Variants in ANO8 observed in about 807,000 individuals in gnomAD.
ANO8 encodes anoctamin 8.
ANO8 carries 67 observed loss-of-function variants against 120.4 expected under a neutral mutation model. That is an observed-to-expected ratio of 0.56 (90% CI 0.46 to 0.68). ANO8 has a LOEUF of 0.68. Among genes scored for constraint, ANO8 ranks in the 30% least tolerant of loss-of-function variants. The pLI is 0.00. For missense variants in ANO8, 1,526 were observed against 1,737.6 expected (o/e 0.88, Z 2.16); for synonymous variants, 727 against 759.2 (o/e 0.96, Z 0.70).
At position 17,323,395 on chromosome 19, in the gene ANO8, T is replaced by G; in HGVS notation, c.*122A>C. 1.7e-5 allele frequency: 16 copies of G among 947,490 alleles called. No individual in the cohort carries two copies. Among genetic ancestry groups the G allele is most frequent in the East Asian group, 6.4e-5 (2 of 31,156 alleles). The allele number at this position is 947,490 out of a possible 1,614,324, so 58.7% of individuals were successfully genotyped here. On this transcript the variant is annotated 3_prime_UTR_variant, in exon 18 of 18. Transcript: ENST00000159087. ...TTCGTTTGGAAAGGAAAACGGCAGA[T>G]GGGGGGCACCGACCAATACTGGGGG...
chr19:17,324,614 C>A lies in ANO8; in HGVS notation c.3331+103G>T, dbSNP rs549497082. ...CCAGGTCCCCACCAGGACCTAAGAC[C>A]GGGCTTCCCCTGTCCCCTTCAGCCC... On this transcript the variant is annotated intron_variant, in intron 17 of 17. Transcript: ENST00000159087. The A allele has an allele frequency of 8.8e-6, 13 of 1,485,116 alleles. No individual in the cohort carries two copies. The East Asian group carries it at 3.0e-4, about 35-fold the overall frequency. 92.0% of individuals were successfully genotyped at this position (1,485,116 alleles called of 1,614,324 possible). A position where few individuals can be genotyped will look rare whatever the true frequency, so the allele number is the denominator to read the frequency against.
At position 17,330,028 on chromosome 19, in the gene ANO8, G is replaced by T. The variant is rs372708722; in HGVS notation, c.1274-14C>A. The T allele has an allele frequency of 5.6e-6, 9 of 1,613,790 alleles. No individual in the cohort carries two copies. Among genetic ancestry groups the T allele is most frequent in the Middle Eastern group, 1.6e-4 (1 of 6,082 alleles). On this transcript the variant is annotated splice_polypyrimidine_tract_variant and intron_variant, in intron 10 of 17. Transcript: ENST00000159087. The stretch of plus-strand genomic sequence containing the variant: ...GCCGGTAATTTTCTAGGGGCCAAGG[G>T]GGGGAGTGAGGGGGCAGCCGCGGTC...
At chr19:17,327,213 G>A (rs1391645481) in intron 16 of ANO8, 22 bp downstream of exon 16, 7 of 1,509,638 alleles carry the variant, frequency 4.6e-6, no homozygotes, top group Non-Finnish European at 6.2e-6. Flanking sequence ...TGAGAAAACC[G>A]AGCCCAGCCT....
rs1015634529 is a variant in ANO8, at chr19:17,333,995, T to TC, written c.107-196dup. On this transcript the variant is annotated intron_variant, in intron 1 of 17. Transcript: ENST00000159087. This position sits in a 1 kb window ranked among gnomAD's most constrained non-coding sequence, Gnocchi z 7.2. ...CCAGGCCTTCCTCCAGAAATGCCCT[T>TC]CCCCCCAGATCCTCCCTTACAAATC... is the stretch of plus-strand genomic sequence containing the variant. Among the ~76,000 whole-genome samples the TC allele has an allele frequency of 1.2e-4, 18 of 151,904 alleles. No homozygotes were observed. The highest frequency in any genetic ancestry group is 2.5e-4 in the Non-Finnish European group (17 of 67,968).
At position 17,324,973 on chromosome 19, in the gene ANO8, G is replaced by A. The variant is rs2074263950; in HGVS notation, c.3075C>T (p.Leu1025=). The A allele has an allele frequency of 3.1e-6, 5 of 1,613,304 alleles. No homozygotes were observed. The East Asian group carries it at 1.1e-4, about 36-fold the overall frequency. The change falls in exon 17 of 18, where the codon CTC becomes CTT. Residue 1025 remains leucine (L), a synonymous_variant. Transcript: ENST00000159087. The part of the protein sequence containing the change: ...TGSDTRLPAF[L]SFKFLKSPET... ...CGGGTGACTTGAGGAACTTGAAGCT[G>A]AGGAAGGCAGGCAGGCGGGTGTCGC... is the stretch of plus-strand genomic sequence containing the variant.
At position 17,334,703 on chromosome 19, in the gene ANO8, G is replaced by T; in HGVS notation, c.-33C>A. On this transcript the variant is annotated 5_prime_UTR_variant, in exon 1 of 18. Coordinates refer to ENST00000159087, the MANE Select transcript of ANO8 (RefSeq NM_020959.3). ...ACAGGTCAGGTCAGGGGCTACGGAC[G>T]GCCCGGGCGACGGGGAGCCGCGGGC... is the stretch of plus-strand genomic sequence containing the variant. 1 of 1,346,868 alleles carries T rather than the reference G, an allele frequency of 7.4e-7. No homozygotes were observed. Among genetic ancestry groups the T allele is most frequent in the Non-Finnish European group, 9.5e-7 (1 of 1,052,326 alleles). 83.4% of individuals were successfully genotyped at this position (1,346,868 alleles called of 1,614,324 possible).
Position 17,330,240 on chromosome 19 carries a change from C to T in ANO8, c.1158G>A (p.Leu386=). 1.2e-6 allele frequency: 2 copies of T among 1,614,046 alleles called. No homozygotes were observed. The highest frequency in any genetic ancestry group is 1.7e-6 in the Non-Finnish European group (2 of 1,180,026). Residue 386 remains leucine (L), a synonymous_variant, in exon 10 of 18, where the codon CTG becomes CTA. Coordinates refer to ENST00000159087, the MANE Select transcript of ANO8 (RefSeq NM_020959.3). The stretch of plus-strand genomic sequence containing the variant: ...CGAGACGGGGCAACCCCTTCACGCT[C>T]AGCACCAGCTCCTGCGGGAGAAGGG... ...LGCFQLQELV[L]SVKGLPRLAR...
rs746119038 is a variant in ANO8, at chr19:17,325,268, C to T, written c.2780G>A (p.Arg927Gln). The change falls in exon 17 of 18, where the codon CGA becomes CAA. Residue 927 changes from arginine to glutamine, a missense_variant. By Grantham distance (43) the Arg-to-Gln change is conservative (BLOSUM62 1). Coordinates refer to ENST00000159087, the MANE Select transcript of ANO8 (RefSeq NM_020959.3). ...AGAGCCCTCGGCCCTCGCCTCCTCTCGGCCACCAGAATCATGCTCCCGCCG... is the reference window on the plus strand; with the variant it reads ...AGAGCCCTCGGCCCTCGCCTCCTCTTGGCCACCAGAATCATGCTCCCGCCG... The part of the protein sequence containing the change: ...HARREHDSGG[R>Q]EEARAEGSGL... The T allele has an allele frequency of 4.4e-5, 70 of 1,608,364 alleles. No individual in the cohort carries two copies. The highest frequency in any genetic ancestry group is 7.7e-5 in the South Asian group (7 of 91,062).
chr19:17,330,622 G>T, intron 8 of ANO8, 118 bp from the exon 9 acceptor site: 1 of 1,412,186 alleles, frequency 7.1e-7, no homozygotes, highest in Non-Finnish European at 9.4e-7. Flanking sequence ...GACCCTCTCA[G>T]GTCACCCACC....
In ANO8 at chr19:17,328,523, C is replaced by G. The variant is rs1340544163; in HGVS notation, c.1865G>C (p.Arg622Pro). 1 of 1,551,482 alleles carries G rather than the reference C, an allele frequency of 6.4e-7. No homozygotes were observed. The highest frequency in any genetic ancestry group is 8.7e-7 in the Non-Finnish European group (1 of 1,149,450). ...LRLKKVSFAE[R>P]GAGRRRPGPS... is the part of the protein sequence containing the mutation. ...GCCGGGCCGACGCCGCCCCGCGCCG[C>G]GCTCAGCGAAGCTGACCTTCTTCAG... The change falls in exon 13 of 18, where the codon CGC becomes CCC. Residue 622 changes from arginine (R) to proline (P), a missense_variant. This residue lies in a region of ANO8 where 467 missense variants were observed against 425.8 expected (regional missense o/e 1.10). Transcript: ENST00000159087.
At chr19:17,329,286 T>C in intron 12 of ANO8, 1 of 373,770 alleles carries the variant, frequency 2.7e-6, no homozygotes, top group Non-Finnish European at 4.8e-6. Flanking sequence ...CTGCACCTGC[T>C]TGCTGGCCGC....
chr19:17,330,571 C>T (rs2074310305), intron 8 of ANO8, 67 bp from the exon 9 acceptor site: 1 of 1,454,454 alleles, frequency 6.9e-7, no homozygotes, highest in Admixed American at 2.8e-5. Flanking sequence ...CTGCACCCCT[C>T]CCTATCCTCA....
chr19:17,334,379 G>A (rs965376722), intron 1 of ANO8, among the ~76,000 whole-genome samples, 186 bp downstream of exon 1: 3 of 152,158 alleles, frequency 2.0e-5, no homozygotes, highest in Non-Finnish European at 4.4e-5. Flanking sequence ...TCTCCGCGCC[G>A]GGACCCCAGC....
Position 17,331,231 on chromosome 19 carries a change from T to C in ANO8, c.704-16A>G, listed in dbSNP as rs778150894. On this transcript the variant is annotated splice_polypyrimidine_tract_variant and intron_variant, in intron 6 of 17. Transcript: ENST00000159087. ...CAGATGTCATCTGCCAGGGGACAAG[T>C]GGGTCTCAGTCACCCCCTGCCTGTC... 9 of 1,614,006 alleles carry C rather than the reference T, an allele frequency of 5.6e-6. No individual in the cohort carries two copies. In the Admixed American group the frequency reaches 1.3e-4, roughly 24 times the overall value.
chr19:17,330,314 G>T (rs1273706272), intron 9 of ANO8, 38 bp downstream of exon 9: 3 of 1,612,422 alleles, frequency 1.9e-6, no homozygotes, highest in Non-Finnish European at 2.5e-6. Context: ...GTGGAGCTAG[G>T]TACCAAGGAC....
rs533166892 is a variant in ANO8, at chr19:17,329,950, G to A, written c.1329+9C>T. ...TTGTCCCCCTGCCTGTCCGATGGTG[G>A]TGACTCACCAGGACAACTTTGATGA... On this transcript the variant is annotated intron_variant, in intron 11 of 17. Coordinates refer to ENST00000159087, the MANE Select transcript of ANO8 (RefSeq NM_020959.3). The A allele has an allele frequency of 2.5e-6, 4 of 1,614,062 alleles. No homozygotes were observed. The highest frequency in any genetic ancestry group is 1.7e-5 in the Admixed American group (1 of 60,016).
At chr19:17,334,544 G>T (rs2074347332) in intron 1 of ANO8, 21 bp downstream of exon 1, 1 of 1,533,704 alleles carries the variant, frequency 6.5e-7, no homozygotes, top group East Asian at 2.6e-5. Flanking sequence ...ACCCTGTCTG[G>T]TCCAGCCGCC....
rs1375250997 is a variant in ANO8 at position 17,330,524 on chromosome 19, G to C, written c.994-20C>G. ...CACGCCCTGATGGTGGGCAAAGACC[G>C]GGCCCAGCATGAGCTCAGAGGGGCC... On this transcript the variant is annotated intron_variant, in intron 8 of 17. Coordinates refer to ENST00000159087, the MANE Select transcript of ANO8 (RefSeq NM_020959.3). 2.7e-6 allele frequency: 4 copies of C among 1,492,462 alleles called. No individual in the cohort carries two copies. Among genetic ancestry groups the C allele is most frequent in the Non-Finnish European group, 3.6e-6 (4 of 1,116,338 alleles). 92.5% of individuals were successfully genotyped at this position (1,492,462 alleles called of 1,614,324 possible). A position where few individuals can be genotyped will look rare whatever the true frequency, so the allele number is the denominator to read the frequency against.
chr19:17,329,588 C>T, intron 12 of ANO8, 169 bp downstream of exon 12: 1 of 620,326 alleles, frequency 1.6e-6, no homozygotes, highest in South Asian at 1.9e-5. Context: ...GGGGGGACGA[C>T]AGGCAGAGAG....
Sources: allele counts gnomAD v4.1 joint callset (sites outside exome capture counted in the v4.1 genomes callset), GRCh38; gene constraint gnomAD v4.1.1; regional missense constraint gnomAD v4.1.1; non-coding constraint Gnocchi (gnomAD v3.1); transcripts MANE v1.5; gene names NCBI Gene and HGNC (gene_info 2026-07-23, HGNC 2026-07-21).